The following SMC5 variants were observed in gnomAD, a reference collection of about 807,000 sequenced individuals.
The protein encoded by SMC5 is structural maintenance of chromosomes 5.
In SMC5, 88 loss-of-function variants were observed where a neutral mutation model predicts 148.3. The observed-to-expected ratio is 0.59, with a 90% CI of 0.50 to 0.71. SMC5 has a LOEUF of 0.71. Among genes scored for constraint, SMC5 ranks in the 30% least tolerant of loss-of-function variants. The probability of loss-of-function intolerance (pLI) is 0.00; values close to 1 mark genes in which losing one functional copy is unlikely to be tolerated. For missense variants in SMC5, 1,142 were observed against 1,298.9 expected (o/e 0.88, Z 1.86); for synonymous variants, 421 against 432.8 (o/e 0.97, Z 0.34).
intron 22 of SMC5, 40 bp from the exon 23 acceptor site, chr9:70,350,074 G>A (rs747169264): frequency 6.9e-7 from 1 of 1,441,228 alleles, no homozygotes; most frequent in South Asian, 1.3e-5. Flanking sequence ...GACATTACCA[G>A]AGGAAACTCA....
chr9:70,332,112 T>C (rs1397401847), intron 17 of SMC5, among the ~76,000 whole-genome samples: 4 of 152,170 alleles, frequency 2.6e-5, no homozygotes, highest in Non-Finnish European at 4.4e-5. Flanking sequence ...GAGAAGATAA[T>C]AGGTGACTAG....
At chr9:70,337,025 T>TAG (rs2036375280) in intron 17 of SMC5, among the ~76,000 whole-genome samples, 1 of 152,074 alleles carries the variant, frequency 6.6e-6, no homozygotes, top group African/African-American at 2.4e-5. Context: ...CTCCCCCTTA[T>TAG]AGAACCATCA....
chr9:70,301,283 C>G (rs375485718), intron 10 of SMC5, among the ~76,000 whole-genome samples: 6 of 152,264 alleles, frequency 3.9e-5, no homozygotes, highest in Admixed American at 2.6e-4. Flanking sequence ...AGATTTGTCT[C>G]CTCTTGTCAT....
At chr9:70,320,554 T>C (rs2035916454) in intron 15 of SMC5, among the ~76,000 whole-genome samples, 1 of 152,132 alleles carries the variant, frequency 6.6e-6, no homozygotes, top group Admixed American at 6.6e-5. Context: ...TATTAGGTAT[T>C]ATAACTAATC....
chr9:70,332,618 G>T (rs2118724805), intron 17 of SMC5, among the ~76,000 whole-genome samples: 1 of 151,570 alleles, frequency 6.6e-6, no homozygotes, highest in East Asian at 1.9e-4. Context: ...CATTATATGA[G>T]GCCAGCATTA....
intron 8 of SMC5, among the ~76,000 whole-genome samples, chr9:70,297,167 A>T (rs2035224125): frequency 6.6e-6 from 1 of 152,214 alleles, no homozygotes; most frequent in South Asian, 2.1e-4. Flanking sequence ...CACAAAATTC[A>T]TTTATATTTC....
At chr9:70,264,851 C>T (rs2034234560) in intron 2 of SMC5, among the ~76,000 whole-genome samples, 1 of 152,046 alleles carries the variant, frequency 6.6e-6, no homozygotes, top group Non-Finnish European at 1.5e-5. Flanking sequence ...ATATTTACAC[C>T]TAGATGGGTT....
chr9:70,339,568 C>G (rs2036462167), intron 17 of SMC5, among the ~76,000 whole-genome samples: 1 of 152,172 alleles, frequency 6.6e-6, no homozygotes, highest in Non-Finnish European at 1.5e-5. Context: ...TTTTATCTAT[C>G]TCATCTGTTC....
At position 70,292,739 on chromosome 9, in the gene SMC5, G is replaced by A. The variant is rs370095508; in HGVS notation, c.1054-5227G>A. Among the ~76,000 whole-genome samples, 8 of 152,160 alleles carry A rather than the reference G, an allele frequency of 5.3e-5. No homozygotes were observed. The East Asian group carries it at 1.2e-3, about 22-fold the overall frequency. On this transcript the variant is annotated intron_variant, in intron 8 of 24. Coordinates refer to ENST00000361138, the MANE Select transcript of SMC5 (RefSeq NM_015110.4). Reference sequence around the variant, plus strand: ...GAGTACATACTCAATTTTGTCAAATGCTTTTCTGCATCTATTGATATAATT... The same window carrying A: ...GAGTACATACTCAATTTTGTCAAATACTTTTCTGCATCTATTGATATAATT...
chr9:70,332,284 G>T (rs1461782725), intron 17 of SMC5, among the ~76,000 whole-genome samples: 6 of 152,030 alleles, frequency 3.9e-5, no homozygotes, highest in Admixed American at 2.0e-4. Context: ...ACTTTGGGAG[G>T]CCGAGGCAGG....
rs115756997 is a variant in SMC5, at chr9:70,278,280, G to A, written c.544-211G>A. ...TAGACATTTCAACCTTGAAATATTG[G>A]CACAGAAAATTTTTAAAGATGATCA... On this transcript the variant is annotated intron_variant, in intron 4 of 24. Coordinates refer to ENST00000361138, the MANE Select transcript of SMC5 (RefSeq NM_015110.4). Among the ~76,000 whole-genome samples, 171 of 151,802 alleles carry A rather than the reference G, an allele frequency of 1.1e-3. 1 individual carries two copies. The highest frequency in any genetic ancestry group is 4.1e-3 in the African/African-American group (168 of 41,408).
In SMC5 at chr9:70,332,227, A is replaced by G. The variant is rs148205259; in HGVS notation, c.2397+8084A>G. On this transcript the variant is annotated intron_variant, in intron 17 of 24. Transcript: ENST00000361138. ...CACTGGTTAATTCTACCAAGCATTT[A>G]TAAAATAATCCCAGCTGAGTGTAGT... Among the ~76,000 whole-genome samples, 554 of 152,306 alleles carry G rather than the reference A, an allele frequency of 3.6e-3. 5 individuals carry two copies. The highest frequency in any genetic ancestry group is 0.013 in the African/African-American group (543 of 41,574).
intron 19 of SMC5, 120 bp from the exon 20 acceptor site, chr9:70,346,943 ATTC>A: frequency 1.3e-6 from 1 of 764,304 alleles, no homozygotes; most frequent in Middle Eastern, 3.3e-4. Flanking sequence ...ATTCCTTTGT[ATTC>A]TTGTGTGCCA....
intron 8 of SMC5, among the ~76,000 whole-genome samples, chr9:70,295,602 A>G (rs1205720685): frequency 6.6e-6 from 1 of 152,164 alleles, no homozygotes; most frequent in Admixed American, 6.5e-5. Flanking sequence ...CTAAACATGG[A>G]TATTAGTCAG....
In SMC5 at chr9:70,346,587, C is replaced by T; in HGVS notation, c.2524-18C>T. 6.2e-7 allele frequency: 1 copy of T among 1,613,556 alleles called. No homozygotes were observed. The highest frequency in any genetic ancestry group is 8.5e-7 in the Non-Finnish European group (1 of 1,179,532). ...CTTTCAATGCCCCACATATTCTGGA[C>T]CCATTCTACCAATTCAGCAAGTACC... On this transcript the variant is annotated intron_variant, in intron 18 of 24. Transcript: ENST00000361138.
chr9:70,345,940 G>T (rs2036656323), intron 18 of SMC5, among the ~76,000 whole-genome samples: 1 of 152,152 alleles, frequency 6.6e-6, no homozygotes, highest in Non-Finnish European at 1.5e-5. Context: ...AAGTTGACAA[G>T]TCTTAGGTAT....
intron 3 of SMC5, among the ~76,000 whole-genome samples, chr9:70,274,471 T>C (rs945285505): frequency 2.7e-5 from 4 of 149,154 alleles, no homozygotes; most frequent in Admixed American, 1.3e-4. Flanking sequence ...GTTAGCAGCT[T>C]TTTTTTTTTT....
intron 17 of SMC5, among the ~76,000 whole-genome samples, chr9:70,337,656 G>A (rs1261796772): frequency 6.6e-6 from 1 of 151,828 alleles, no homozygotes; most frequent in African/African-American, 2.4e-5. Context: ...TAGAGATCGT[G>A]TTTCACCATG....
intron 10 of SMC5, 63 bp downstream of exon 10, chr9:70,300,263 T>C (rs2035323562): frequency 1.3e-6 from 2 of 1,482,552 alleles, no homozygotes; most frequent in Non-Finnish European, 1.8e-6. Flanking sequence ...ATTTTTGTTT[T>C]AAGACATTTT....
Sources: allele counts gnomAD v4.1 joint callset (sites outside exome capture counted in the v4.1 genomes callset), GRCh38; gene constraint gnomAD v4.1.1; transcripts MANE v1.5; gene names NCBI Gene and HGNC (gene_info 2026-07-23, HGNC 2026-07-21).